Variants in PCDHGA7 observed in about 807,000 individuals in gnomAD.
PCDHGA7 encodes the protein protocadherin gamma-A7.
A neutral mutation model predicts 58.3 loss-of-function variants in PCDHGA7; 44 were observed. The observed-to-expected ratio is 0.75, with a 90% CI of 0.59 to 0.97. The LOEUF is 0.97. PCDHGA7 is among the 50% of genes least tolerant of loss of function. The pLI, the probability that PCDHGA7 is intolerant of heterozygous loss-of-function variation, is 0.00. For missense variants in PCDHGA7, 1,266 were observed against 1,188.7 expected, an observed-to-expected ratio of 1.06 and a Z score of -0.96; for synonymous variants, 516 against 504.2, an observed-to-expected ratio of 1.02 and a Z score of -0.31.
At chr5:141,450,831 T>TA (rs761717068) in intron 1 of PCDHGA7, among the ~76,000 whole-genome samples, 7,796 of 144,584 alleles carry the variant, frequency 0.054, 354 homozygotes, top group African/African-American at 0.12. Context: ...TTATTATTAT[T>TA]TTTTTTTTTT....
At chr5:141,496,400 A>G (rs540108338) in intron 2 of PCDHGA7, among the ~76,000 whole-genome samples, 2 of 152,240 alleles carry the variant, frequency 1.3e-5, no homozygotes, top group East Asian at 3.9e-4. Flanking sequence ...TACCTCCTCA[A>G]TGGTTGAGTA....
At position 141,384,677 on chromosome 5, in the gene PCDHGA7, C is replaced by A; in HGVS notation, c.1778C>A (p.Ala593Glu). The part of the protein sequence containing the change: ...EPGYLVTKVV[A>E]VDKDSGQNAW... ...GGCTACCTGGTGACCAAGGTGGTGG[C>A]GGTGGACAAAGATTCAGGCCAGAAC... The change falls in exon 1 of 4, where the codon GCG becomes GAG. Residue 593 changes from alanine (A) to glutamate (E), a missense_variant. By Grantham distance (107) the Ala-to-Glu change is moderately radical. Transcript: ENST00000518325. 1.9e-6 allele frequency: 3 copies of A among 1,614,188 alleles called. No individual in the cohort carries two copies. The highest frequency in any genetic ancestry group is 2.5e-6 in the Non-Finnish European group (3 of 1,180,032).
intron 2 of PCDHGA7, among the ~76,000 whole-genome samples, chr5:141,498,091 C>G (rs2099781521): frequency 6.6e-6 from 1 of 152,156 alleles, no homozygotes; most frequent in African/African-American, 2.4e-5. Context: ...AGAATTGTAT[C>G]TGGTGGTGTG....
chr5:141,410,789 A>G (rs1264282350), intron 1 of PCDHGA7: 13 of 794,352 alleles, frequency 1.6e-5, no homozygotes, highest in Non-Finnish European at 2.4e-5. Flanking sequence ...TATTTGGTTC[A>G]TAAGTTGCTC....
chr5:141,456,229 C>G (rs191169523), intron 1 of PCDHGA7, among the ~76,000 whole-genome samples: 9 of 152,234 alleles, frequency 5.9e-5, no homozygotes, highest in African/African-American at 1.7e-4. Context: ...ATCAAACTAA[C>G]TGCTGTTAGG....
intron 1 of PCDHGA7, among the ~76,000 whole-genome samples, chr5:141,457,343 T>C (rs1372992422): frequency 6.6e-6 from 1 of 152,240 alleles, no homozygotes; most frequent in African/African-American, 2.4e-5. Flanking sequence ...TTACTTACTT[T>C]CATTACCTGG....
chr5:141,398,313 G>T lies in PCDHGA7; in HGVS notation c.2424+12990G>T, dbSNP rs1270917645. The T allele has an allele frequency of 6.6e-6, 9 of 1,358,982 alleles. No individual in the cohort carries two copies. The South Asian group carries it at 1.1e-4, about 16-fold the overall frequency. 84.2% of individuals were successfully genotyped at this position (1,358,982 alleles called of 1,614,324 possible). A position where few individuals can be genotyped will look rare whatever the true frequency, so the allele number is the denominator to read the frequency against. ...TGGGGTTCAGCGTCCAGGAGTTACC[G>T]ACTCGAAAACTGCGCGTCAGTTCGG... On this transcript the variant is annotated intron_variant, in intron 1 of 3. Transcript: ENST00000518325.
chr5:141,420,673 A>T (rs1244699899), intron 1 of PCDHGA7, among the ~76,000 whole-genome samples: 5 of 152,208 alleles, frequency 3.3e-5, no homozygotes, highest in Admixed American at 3.3e-4. Flanking sequence ...CTACCTGATG[A>T]TTTTATCGGG....
At chr5:141,389,542 G>C in intron 1 of PCDHGA7, 1 of 1,613,198 alleles carries the variant, frequency 6.2e-7, no homozygotes, top group Non-Finnish European at 8.5e-7. Flanking sequence ...GTGGACGACC[G>C]CAACGACAAT....
chr5:141,458,593 C>T (rs1352799952), intron 1 of PCDHGA7, among the ~76,000 whole-genome samples: 4 of 151,402 alleles, frequency 2.6e-5, no homozygotes, highest in Non-Finnish European at 5.9e-5. Flanking sequence ...GTTTTGGAGA[C>T]GAGTCTCACT....
intron 2 of PCDHGA7, among the ~76,000 whole-genome samples, chr5:141,499,983 C>T (rs765029745): frequency 5.3e-5 from 8 of 151,352 alleles, no homozygotes; most frequent in African/African-American, 9.7e-5. Context: ...CCACCTTGCC[C>T]GGCCAGATGA....
At chr5:141,453,201 C>A (rs115660512) in intron 1 of PCDHGA7, among the ~76,000 whole-genome samples, 1 of 152,206 alleles carries the variant, frequency 6.6e-6, no homozygotes, top group South Asian at 2.1e-4. Flanking sequence ...GCAGCCTCAA[C>A]CTCGTGCACT....
intron 1 of PCDHGA7, chr5:141,393,064 T>C: frequency 6.2e-7 from 1 of 1,613,630 alleles, no homozygotes. Flanking sequence ...AGCGGCAGCT[T>C]GATCACCGCG....
chr5:141,490,641 G>A lies in PCDHGA7; in HGVS notation c.2425-4166G>A. 3 of 1,614,160 alleles carry A rather than the reference G, an allele frequency of 1.9e-6. No homozygotes were observed. On this transcript the variant is annotated intron_variant, in intron 1 of 3. Transcript: ENST00000518325. This position sits in a 1 kb window ranked among gnomAD's most constrained non-coding sequence, Gnocchi z 5.4. Reference sequence around the variant, plus strand: ...ACACTGCTTACATCCTAGAAAACCGGCCTCCGGGCTCCCTTCTTTGCACTG... The same window carrying A: ...ACACTGCTTACATCCTAGAAAACCGACCTCCGGGCTCCCTTCTTTGCACTG...
chr5:141,427,854 TGC>T (rs2097079964), intron 1 of PCDHGA7: 1 of 1,553,594 alleles, frequency 6.4e-7, no homozygotes, highest in Non-Finnish European at 8.8e-7. Context: ...CGAGCAGCTG[TGC>T]GCCTTCGAGC....
intron 1 of PCDHGA7, chr5:141,394,832 C>G: frequency 1.9e-6 from 3 of 1,613,828 alleles, no homozygotes; most frequent in Non-Finnish European, 2.5e-6. Context: ...AAGTCCTGAC[C>G]GAGTTGGGCA....
Position 141,494,880 on chromosome 5 carries a change from C to T in PCDHGA7, c.2483+15C>T. On this transcript the variant is annotated intron_variant, in intron 2 of 3. Transcript: ENST00000518325. ...GGCACCAGCGGGTAGGTGACTGATT[C>T]TCCAGCCCACCCTCTTCTCTGCGGC... 3 of 1,614,158 alleles carry T rather than the reference C, an allele frequency of 1.9e-6. No homozygotes were observed. Among genetic ancestry groups the T allele is most frequent in the Non-Finnish European group, 1.7e-6 (2 of 1,180,012 alleles).
chr5:141,398,369 G>A (rs889057054), intron 1 of PCDHGA7: 2 of 1,428,778 alleles, frequency 1.4e-6, no homozygotes, highest in African/African-American at 2.9e-5. Context: ...AGCGCAGAGA[G>A]CGGGGAGTTG....
rs1429860093 is a variant in PCDHGA7, at chr5:141,487,828, C to A, written c.2425-6979C>A. 3 of 1,184,120 alleles carry A rather than the reference C, an allele frequency of 2.5e-6. No individual in the cohort carries two copies. The highest frequency in any genetic ancestry group is 1.5e-5 in the African/African-American group (1 of 64,540). The allele number at this position is 1,184,120 out of a possible 1,614,324, so 73.4% of individuals were successfully genotyped here. A position where few individuals can be genotyped will look rare whatever the true frequency, so the allele number is the denominator to read the frequency against. ...AGTTTAGCATTGGGGGCGGGTCATG[C>A]CTATATCTGAGTAAGAAATGAAAGT... On this transcript the variant is annotated intron_variant, in intron 1 of 3. Coordinates refer to ENST00000518325, the MANE Select transcript of PCDHGA7 (RefSeq NM_018920.4). The surrounding 1 kb of genome is among the most constrained non-coding windows in gnomAD (Gnocchi z 5.0).
Sources: gnomAD v4.1 joint callset for allele counts (sites outside exome capture counted in the v4.1 genomes callset) on GRCh38, gnomAD v4.1.1 for gene constraint, Gnocchi (gnomAD v3.1) non-coding constraint, MANE v1.5 for transcripts, NCBI Gene and HGNC (gene_info 2026-07-23, HGNC 2026-07-21) for gene names.